Variants in USH2A observed in about 807,000 individuals in gnomAD.
USH2A encodes usherin.
In USH2A, 443 loss-of-function variants were observed where a neutral mutation model predicts 538.9. The ratio of observed to expected loss-of-function variants is 0.82; its 90% CI spans 0.76 to 0.89. The LOEUF (loss-of-function observed/expected upper bound fraction) is 0.89. USH2A is among the 40% of genes least tolerant of loss of function. The pLI, the probability that USH2A is intolerant of heterozygous loss-of-function variation, is 0.00. For missense variants in USH2A, 6,633 were observed against 6,324.8 expected (o/e 1.05, Z -1.65); for synonymous variants, 2,413 against 2,273.5 (o/e 1.06, Z -1.75).
intron 21 of USH2A, among the ~76,000 whole-genome samples, chr1:216,162,979 T>G (rs1486303816): frequency 1.3e-5 from 2 of 152,052 alleles, no homozygotes; most frequent in Non-Finnish European, 2.9e-5. Flanking sequence ...AAATCTACTT[T>G]TGTAGCCCTG....
chr1:215,811,876 C>T (rs1023806623), intron 49 of USH2A, among the ~76,000 whole-genome samples: 1 of 151,166 alleles, frequency 6.6e-6, no homozygotes, highest in African/African-American at 2.4e-5. Flanking sequence ...CATTGCACTC[C>T]AGCCTGGGCA....
intron 14 of USH2A, among the ~76,000 whole-genome samples, chr1:216,227,766 A>G (rs1200315353): frequency 6.6e-6 from 1 of 152,214 alleles, no homozygotes; most frequent in Non-Finnish European, 1.5e-5. Context: ...GGGCAAGAGC[A>G]TGGAATTAAA....
Position 216,422,060 on chromosome 1 carries a change from A to G in USH2A, c.277T>C (p.Ser93Pro). 6.2e-7 allele frequency: 1 copy of G among 1,613,760 alleles called. No homozygotes were observed. The highest frequency in any genetic ancestry group is 8.5e-7 in the Non-Finnish European group (1 of 1,179,878). Residue 93 changes from serine to proline, a missense_variant, in exon 2 of 72, where the codon TCA becomes CCA. Ser to Pro is a moderately conservative substitution (Grantham distance 74). Transcript: ENST00000307340. ...AAAAGGGCAGTGTAGGTAGGGTGTGAAGATCTGTATGGGCAATCCTGAATA... is the reference window on the plus strand; with the variant it reads ...AAAAGGGCAGTGTAGGTAGGGTGTGGAGATCTGTATGGGCAATCCTGAATA... ...FCIQDCPYRS[S>P]HPTYTALFSA...
chr1:216,090,288 T>C (rs1320277717), intron 22 of USH2A, among the ~76,000 whole-genome samples: 1 of 152,042 alleles, frequency 6.6e-6, no homozygotes, highest in Non-Finnish European at 1.5e-5. Flanking sequence ...AATCATACCA[T>C]CTTTAGTATG....
At chr1:216,175,505 T>C (rs555681944) in intron 20 of USH2A, 23 bp from the exon 21 acceptor site, 1 of 1,611,932 alleles carries the variant, frequency 6.2e-7, no homozygotes, top group African/African-American at 1.3e-5. Context: ...AAACACCTGT[T>C]ATATTCAAGA....
chr1:215,792,571 C>T (rs1258443806), intron 50 of USH2A, among the ~76,000 whole-genome samples: 1 of 152,130 alleles, frequency 6.6e-6, no homozygotes, highest in Non-Finnish European at 1.5e-5. Flanking sequence ...TTTCTGAAGA[C>T]TGCATCCATC....
chr1:216,018,246 T>C (rs991586209), intron 32 of USH2A, among the ~76,000 whole-genome samples: 1 of 152,274 alleles, frequency 6.6e-6, no homozygotes, highest in Non-Finnish European at 1.5e-5. Flanking sequence ...ATGGAATTAT[T>C]GAAGAGAAAT....
chr1:215,702,777 G>A (rs1471003204), intron 61 of USH2A, among the ~76,000 whole-genome samples: 1 of 151,660 alleles, frequency 6.6e-6, no homozygotes, highest in African/African-American at 2.4e-5. Context: ...TTGCTCGGAG[G>A]AGTTTGTTAT....
chr1:215,644,250 A>G (rs770998003), intron 67 of USH2A, among the ~76,000 whole-genome samples: 3 of 152,224 alleles, frequency 2.0e-5, no homozygotes, highest in Admixed American at 6.5e-5. Flanking sequence ...GCATAGCTTG[A>G]AGGGGAAAGT....
At chr1:215,924,831 C>T (rs1449604849) in intron 38 of USH2A, among the ~76,000 whole-genome samples, 1 of 151,872 alleles carries the variant, frequency 6.6e-6, no homozygotes, top group East Asian at 1.9e-4. Flanking sequence ...AAAGATAGCA[C>T]TTAATTGTGT....
At chr1:216,066,529 A>T (rs1285389871) in intron 30 of USH2A, among the ~76,000 whole-genome samples, 1 of 152,148 alleles carries the variant, frequency 6.6e-6, no homozygotes, top group Non-Finnish European at 1.5e-5. Flanking sequence ...CCAAGCATTA[A>T]GCATAATGTT....
chr1:216,196,086 A>C (rs1380073258), intron 19 of USH2A, among the ~76,000 whole-genome samples: 1 of 152,188 alleles, frequency 6.6e-6, no homozygotes. Context: ...ATTTTGTTAT[A>C]AGCTGTGATA....
intron 21 of USH2A, among the ~76,000 whole-genome samples, chr1:216,100,507 T>C (rs1043484866): frequency 3.3e-5 from 5 of 152,224 alleles, no homozygotes; most frequent in Non-Finnish European, 5.9e-5. Flanking sequence ...CCACTTTTTA[T>C]GTGATATTTG....
intron 44 of USH2A, among the ~76,000 whole-genome samples, chr1:215,853,004 T>A (rs1432977537): frequency 6.6e-6 from 1 of 152,172 alleles, no homozygotes; most frequent in African/African-American, 2.4e-5. Context: ...GCCCTCTTCT[T>A]ACAGTAGCAC....
Position 215,625,756 on chromosome 1 carries a change from G to T in USH2A, c.*25C>A, listed in dbSNP as rs116383493. On this transcript the variant is annotated 3_prime_UTR_variant, in exon 72 of 72. Transcript: ENST00000307340. ...ATGGGTGCAGACCTTGCATTCCAGG[G>T]TTACGTCTTCTGGGTTTCCATCCTT... 4.3e-6 allele frequency: 7 copies of T among 1,611,112 alleles called. No individual in the cohort carries two copies. Among genetic ancestry groups the T allele is most frequent in the Non-Finnish European group, 5.9e-6 (7 of 1,177,438 alleles).
Position 215,888,979 on chromosome 1 carries a change from C to T in USH2A, c.7670G>A (p.Arg2557Lys). 7.4e-6 allele frequency: 12 copies of T among 1,614,010 alleles called. No homozygotes were observed. Among genetic ancestry groups the T allele is most frequent in the Non-Finnish European group, 9.3e-6 (11 of 1,179,984 alleles). Residue 2557 changes from arginine (R) to lysine (K), a missense_variant, in exon 41 of 72, where the codon AGA (arginine) becomes AAA (lysine). Physicochemically the swap from Arg to Lys is conservative, Grantham distance 26. Coordinates refer to ENST00000307340, the MANE Select transcript of USH2A (RefSeq NM_206933.4). Reference protein sequence around the residue: ...RMMLVTWQHPRKSNGVITHYN... With the variant: ...RMMLVTWQHPKKSNGVITHYN... ...ATGGGTAATAACCCCATTGGATTTT[C>T]TAGGATGCTGCCAGGTGACCAACAT...
At chr1:215,723,568 C>T (rs1558070089) in intron 61 of USH2A, among the ~76,000 whole-genome samples, 1 of 152,210 alleles carries the variant, frequency 6.6e-6, no homozygotes. Context: ...AATGCATTAG[C>T]AGTACCTCTT....
At chr1:215,644,348 A>G (rs1423977917) in intron 67 of USH2A, among the ~76,000 whole-genome samples, 2 of 152,156 alleles carry the variant, frequency 1.3e-5, no homozygotes, top group Non-Finnish European at 2.9e-5. Flanking sequence ...GTGGAGGGGT[A>G]TACACTTCAA....
At chr1:216,332,060 G>A (rs2037875584) in intron 4 of USH2A, among the ~76,000 whole-genome samples, 1 of 152,112 alleles carries the variant, frequency 6.6e-6, no homozygotes, top group Admixed American at 6.6e-5. Context: ...ACTCCTCTCT[G>A]CCACTCTCTG....
Sources: gnomAD v4.1 joint callset for allele counts (sites outside exome capture counted in the v4.1 genomes callset) on GRCh38, gnomAD v4.1.1 for gene constraint, MANE v1.5 for transcripts, NCBI Gene and HGNC (gene_info 2026-07-23, HGNC 2026-07-21) for gene names.